Variants in ZNF385D observed in about 807,000 individuals in gnomAD.
ZNF385D encodes the protein zinc finger protein 385D, also known as zinc finger protein 659.
In ZNF385D, 15 loss-of-function variants were observed where a neutral mutation model predicts 35.8. That is an observed-to-expected ratio of 0.42 (90% CI 0.28 to 0.64). The LOEUF is 0.64. ZNF385D is among the 30% of genes least tolerant of loss of function. The probability of loss-of-function intolerance (pLI) is 0.23; values close to 1 mark genes in which losing one functional copy is unlikely to be tolerated. For synonymous variants in ZNF385D, 212 were observed against 186.8 expected (o/e 1.13, Z -1.10); for missense variants, 474 against 494.6 (o/e 0.96, Z 0.39).
intron 3 of ZNF385D, among the ~76,000 whole-genome samples, chr3:21,865,650 C>T (rs1697307164): frequency 6.6e-6 from 1 of 152,076 alleles, no homozygotes; most frequent in South Asian, 2.1e-4. Context: ...GCTGGGTAAT[C>T]TGTTAAATTA....
At chr3:22,200,993 T>G (rs1696754193) in intron 2 of ZNF385D, among the ~76,000 whole-genome samples, 1 of 152,104 alleles carries the variant, frequency 6.6e-6, no homozygotes, top group South Asian at 2.1e-4. Context: ...GTACAATTTG[T>G]ACAGTTAATG....
chr3:22,216,784 CAG>C (rs1406400037), intron 2 of ZNF385D, among the ~76,000 whole-genome samples: 1 of 152,092 alleles, frequency 6.6e-6, no homozygotes, highest in Non-Finnish European at 1.5e-5. Context: ...GGCCATGTGA[CAG>C]AGGTCTCGTC....
intron 4 of ZNF385D, among the ~76,000 whole-genome samples, chr3:21,438,629 A>T (rs116059425): frequency 0.014 from 2,089 of 152,070 alleles, 42 homozygotes; most frequent in African/African-American, 0.048. Context: ...GCTGTTGTAT[A>T]AAAAAAACTC....
At chr3:21,574,978 A>G (rs982756913) in intron 2 of ZNF385D, among the ~76,000 whole-genome samples, 12 of 152,150 alleles carry the variant, frequency 7.9e-5, no homozygotes, top group African/African-American at 2.9e-4. Context: ...CTATAGCTAA[A>G]TACACAATGT....
intron 2 of ZNF385D, among the ~76,000 whole-genome samples, chr3:21,571,394 T>C (rs1363900804): frequency 6.6e-6 from 1 of 152,192 alleles, no homozygotes; most frequent in African/African-American, 2.4e-5. Context: ...CTATTAGGAA[T>C]AAGCTATTAA....
At chr3:21,780,473 A>G (rs759146348) in intron 3 of ZNF385D, among the ~76,000 whole-genome samples, 2 of 151,996 alleles carry the variant, frequency 1.3e-5, no homozygotes, top group East Asian at 1.9e-4. Flanking sequence ...TGGATACGAC[A>G]TGCATCTGTA....
rs35586361 is a variant in ZNF385D, at chr3:21,694,042, C to CTTTTTTTTTTTTTTTTTTTTTTTTTTT, written c.23-29015_23-29014insAAAAAAAAAAAAAAAAAAAAAAAAAAA. Among the ~76,000 whole-genome samples, 2 of 22,168 alleles carry CTTTTTTTTTTTTTTTTTTTTTTTTTTT rather than the reference C, an allele frequency of 9.0e-5. 1 individual carries two copies. The highest frequency in any genetic ancestry group is 4.2e-4 in the African/African-American group (2 of 4,754). 14.5% of individuals were successfully genotyped at this position (22,168 alleles called of 152,430 possible). A position where few individuals can be genotyped will look rare whatever the true frequency, so the allele number is the denominator to read the frequency against. On this transcript the variant is annotated intron_variant, in intron 1 of 7. Coordinates refer to ENST00000281523, the MANE Select transcript of ZNF385D (RefSeq NM_024697.3). ...TACAGGCGCGTGCCACTACGCCTGG[C>CTTTTTTTTTTTTTTTTTTTTTTTTTTT]TTTTTTTTTTTTTTTTTTTGAGACA...
rs910767472 is a variant in ZNF385D at position 22,317,336 on chromosome 3, C to T, written c.106+55114G>A. Among the ~76,000 whole-genome samples, 6 of 128,238 alleles carry T rather than the reference C, an allele frequency of 4.7e-5. 1 individual carries two copies. The highest frequency in any genetic ancestry group is 1.8e-4 in the African/African-American group (6 of 33,654). 84.1% of individuals were successfully genotyped at this position (128,238 alleles called of 152,430 possible). A position where few individuals can be genotyped will look rare whatever the true frequency, so the allele number is the denominator to read the frequency against. On this transcript the variant is annotated intron_variant, in intron 2 of 5. Coordinates refer to the ZNF385D transcript ENST00000494108. ...AAATAAAAGAAAAAAAAAGGAAATG[C>T]AATTGTCTTAAACTCACTCCCTAAG... is the stretch of plus-strand genomic sequence containing the variant.
intron 2 of ZNF385D, among the ~76,000 whole-genome samples, chr3:22,233,556 T>C (rs1363162314): frequency 6.6e-6 from 1 of 152,168 alleles, no homozygotes; most frequent in Non-Finnish European, 1.5e-5. Flanking sequence ...GTGCGTATTA[T>C]TGCATGCCAT....
intron 3 of ZNF385D, among the ~76,000 whole-genome samples, chr3:22,104,464 T>A (rs1369339401): frequency 6.6e-6 from 1 of 152,212 alleles, no homozygotes; most frequent in Non-Finnish European, 1.5e-5. Context: ...ATTTTTTAAA[T>A]CCAGCTATTT....
At chr3:21,896,184 G>GA in intron 3 of ZNF385D, among the ~76,000 whole-genome samples, 1 of 151,924 alleles carries the variant, frequency 6.6e-6, no homozygotes, top group Non-Finnish European at 1.5e-5. Context: ...ATGGAAACCA[G>GA]AAAAAAAGAA....
At chr3:21,592,542 GCAAAAAAAAAAAACCAAAAA>G (rs150202468) in intron 2 of ZNF385D, among the ~76,000 whole-genome samples, 20,880 of 55,906 alleles carry the variant, frequency 0.37, 1,539 homozygotes, top group East Asian at 0.44. Context: ...TGTCTTCATG[GCAAAAAAAAAAAACCAAAAA>G]CAAAAAAAAA....
intron 2 of ZNF385D, among the ~76,000 whole-genome samples, chr3:22,273,786 A>C (rs1701292605): frequency 6.6e-6 from 1 of 151,988 alleles, no homozygotes; most frequent in South Asian, 2.1e-4. Flanking sequence ...ATGAGGAGGG[A>C]ATTCAACTGA....
intron 3 of ZNF385D, among the ~76,000 whole-genome samples, chr3:21,536,865 G>A (rs1159904610): frequency 2.0e-5 from 3 of 151,954 alleles, no homozygotes; most frequent in Admixed American, 6.5e-5. Flanking sequence ...AGCAAAGCAC[G>A]CAGAAATCGG....
chr3:21,815,275 C>T (rs1039402476), intron 3 of ZNF385D, among the ~76,000 whole-genome samples: 1 of 152,066 alleles, frequency 6.6e-6, no homozygotes, highest in African/African-American at 2.4e-5. Flanking sequence ...ATTAAAAGAA[C>T]TAGAGAAGCA....
At chr3:22,027,358 G>A (rs1428314243) in intron 3 of ZNF385D, among the ~76,000 whole-genome samples, 1 of 152,196 alleles carries the variant, frequency 6.6e-6, no homozygotes, top group Non-Finnish European at 1.5e-5. Context: ...AGGCTGCTGT[G>A]CAAGCTGCTC....
At chr3:21,491,357 A>G (rs1032831287) in intron 4 of ZNF385D, among the ~76,000 whole-genome samples, 3 of 152,148 alleles carry the variant, frequency 2.0e-5, no homozygotes, top group African/African-American at 7.2e-5. Context: ...ACAGCTTGAC[A>G]TAAGTCAGGA....
intron 2 of ZNF385D, among the ~76,000 whole-genome samples, chr3:22,169,902 C>T (rs1043761395): frequency 2.6e-5 from 4 of 152,096 alleles, no homozygotes; most frequent in African/African-American, 2.4e-5. Flanking sequence ...TCAAGCAGTC[C>T]CCCCACTTTA....
At chr3:21,573,423 T>G (rs2063392899) in intron 2 of ZNF385D, among the ~76,000 whole-genome samples, 1 of 152,136 alleles carries the variant, frequency 6.6e-6, no homozygotes, top group South Asian at 2.1e-4. Context: ...TGACAAGGAC[T>G]TGGGAAAAAT....
Sources: gnomAD v4.1 joint callset for allele counts (sites outside exome capture counted in the v4.1 genomes callset) on GRCh38, gnomAD v4.1.1 for gene constraint, MANE v1.5 for transcripts, NCBI Gene and HGNC (gene_info 2026-07-23, HGNC 2026-07-21) for gene names.